UGGT2: variants seen among roughly 807,000 people sequenced by gnomAD.
UGGT2 encodes the protein UDP-glucose glycoprotein glucosyltransferase 2.
Under a neutral mutation model 192.1 loss-of-function variants are expected in UGGT2, and 180 were observed. The observed-to-expected ratio is 0.94, with a 90% CI of 0.83 to 1.06. The LOEUF is 1.06. UGGT2 is among the 50% of genes least tolerant of loss of function. The pLI is 0.00. For missense variants in UGGT2, 1,849 were observed against 1,795.7 expected (o/e 1.03, Z -0.54); for synonymous variants, 580 against 591.0 (o/e 0.98, Z 0.27).
At chr13:95,967,596 C>T (rs1198108180) in intron 12 of UGGT2, among the ~76,000 whole-genome samples, 4 of 151,500 alleles carry the variant, frequency 2.6e-5, no homozygotes, top group Non-Finnish European at 5.9e-5. Flanking sequence ...GCCTCAGCCT[C>T]CCAAGTAGCT....
chr13:95,893,979 G>A (rs571481050), intron 24 of UGGT2, among the ~76,000 whole-genome samples: 5 of 152,188 alleles, frequency 3.3e-5, no homozygotes, highest in South Asian at 4.2e-4. Flanking sequence ...TTGCTTGGGC[G>A]GGCAACAACA....
At chr13:95,968,567 A>G (rs1481252049) in intron 12 of UGGT2, among the ~76,000 whole-genome samples, 1 of 151,946 alleles carries the variant, frequency 6.6e-6, no homozygotes, top group Non-Finnish European at 1.5e-5. Flanking sequence ...GCTTAAATGT[A>G]TGGCACCTAC....
At chr13:95,848,536 G>A (rs1334938537) in intron 36 of UGGT2, among the ~76,000 whole-genome samples, 1 of 152,100 alleles carries the variant, frequency 6.6e-6, no homozygotes, top group Non-Finnish European at 1.5e-5. Flanking sequence ...AGTGACATTT[G>A]TTGAAAATAC....
intron 2 of UGGT2, among the ~76,000 whole-genome samples, chr13:96,028,603 CTT>C (rs1312581591): frequency 2.0e-5 from 3 of 152,184 alleles, no homozygotes; most frequent in African/African-American, 7.2e-5. Context: ...CAATTCATTG[CTT>C]AAAAAGTCTT....
At chr13:95,812,014 T>C (rs1287930804) in intron 38 of UGGT2, among the ~76,000 whole-genome samples, 1 of 152,138 alleles carries the variant, frequency 6.6e-6, no homozygotes, top group Admixed American at 6.5e-5. Flanking sequence ...ATCATATCCA[T>C]AATTACAATA....
chr13:95,948,107 T>C (rs1481831412), intron 13 of UGGT2, 26 bp from the exon 14 acceptor site: 5 of 1,561,694 alleles, frequency 3.2e-6, no homozygotes, highest in Non-Finnish European at 4.4e-6. Context: ...TATATATCAC[T>C]ATTTCAACAC....
chr13:95,893,469 C>A (rs2047859289), intron 24 of UGGT2, among the ~76,000 whole-genome samples: 1 of 152,072 alleles, frequency 6.6e-6, no homozygotes, highest in Admixed American at 6.6e-5. Context: ...ACTGATAATT[C>A]ATAAATTCAA....
chr13:95,808,454 C>G (rs1397001704), intron 38 of UGGT2, among the ~76,000 whole-genome samples: 1 of 151,794 alleles, frequency 6.6e-6, no homozygotes, highest in Non-Finnish European at 1.5e-5. Context: ...TCATTAAAAA[C>G]CTGTTGAGGC....
intron 1 of UGGT2, among the ~76,000 whole-genome samples, chr13:96,032,286 C>T (rs1006566628): frequency 2.1e-4 from 32 of 151,454 alleles, no homozygotes; most frequent in South Asian, 6.3e-4. Context: ...ATATGAAATG[C>T]CACTGAGAAA....
At chr13:95,893,873 G>A (rs2047873800) in intron 24 of UGGT2, among the ~76,000 whole-genome samples, 2 of 152,106 alleles carry the variant, frequency 1.3e-5, no homozygotes, top group African/African-American at 2.4e-5. Flanking sequence ...CCTACCACAG[G>A]AGCCTGACAG....
At chr13:95,958,756 G>A (rs891639902) in intron 12 of UGGT2, among the ~76,000 whole-genome samples, 1 of 152,158 alleles carries the variant, frequency 6.6e-6, no homozygotes, top group Admixed American at 6.5e-5. Context: ...AGTGACAGGA[G>A]TACCCGAAAG....
intron 17 of UGGT2, among the ~76,000 whole-genome samples, chr13:95,930,458 G>A (rs1226502685): frequency 2.0e-5 from 3 of 152,016 alleles, no homozygotes; most frequent in African/African-American, 4.8e-5. Flanking sequence ...GAAAAGTAGG[G>A]GTCCAGTTTT....
intron 12 of UGGT2, among the ~76,000 whole-genome samples, chr13:95,960,688 G>A (rs1174416803): frequency 6.6e-6 from 1 of 152,112 alleles, no homozygotes; most frequent in Admixed American, 6.5e-5. Context: ...AATACAGGAG[G>A]CACAGAGATT....
chr13:96,018,635 C>T (rs2052412239), intron 4 of UGGT2, among the ~76,000 whole-genome samples: 1 of 151,586 alleles, frequency 6.6e-6, no homozygotes, highest in Non-Finnish European at 1.5e-5. Context: ...TACTTTCCAA[C>T]ATGTAAATAA....
chr13:95,969,989 C>T, intron 12 of UGGT2, 123 bp downstream of exon 12: 1 of 1,014,914 alleles, frequency 9.9e-7, no homozygotes, highest in Non-Finnish European at 1.4e-6. Context: ...GTTTGACTTT[C>T]TCTTTTCACT....
At chr13:95,863,808 A>G in intron 30 of UGGT2, 94 bp from the exon 31 acceptor site, 3 of 952,794 alleles carry the variant, frequency 3.1e-6, no homozygotes, top group South Asian at 2.8e-5. Context: ...GATTACCCAT[A>G]GAAATCTAAG....
chr13:96,012,168 T>C (rs1396418510), intron 5 of UGGT2, among the ~76,000 whole-genome samples: 2 of 151,920 alleles, frequency 1.3e-5, no homozygotes, highest in Admixed American at 6.6e-5. Flanking sequence ...ATATGAAAAA[T>C]TAGCATATGA....
intron 1 of UGGT2, among the ~76,000 whole-genome samples, chr13:96,042,437 G>C (rs947838932): frequency 1.3e-5 from 2 of 152,204 alleles, no homozygotes; most frequent in African/African-American, 2.4e-5. Flanking sequence ...ACCAACTCTA[G>C]TACTATGACA....
chr13:95,924,116 GT>G (rs1161142744), intron 20 of UGGT2, among the ~76,000 whole-genome samples: 3 of 152,042 alleles, frequency 2.0e-5, no homozygotes, highest in Admixed American at 2.0e-4. Context: ...AGTGTTTTTA[GT>G]TTGTGGTTCT....
Sources: gnomAD v4.1 joint callset for allele counts (sites outside exome capture counted in the v4.1 genomes callset) on GRCh38, gnomAD v4.1.1 for gene constraint, MANE v1.5 for transcripts, NCBI Gene and HGNC (gene_info 2026-07-23, HGNC 2026-07-21) for gene names.